The following SLC27A2 variants were observed in gnomAD, a reference collection of about 807,000 sequenced individuals.
SLC27A2 encodes the protein long-chain fatty acid transport protein 2.
Under a neutral mutation model 60.0 loss-of-function variants are expected in SLC27A2, and 54 were observed. The ratio of observed to expected loss-of-function variants is 0.90; its 90% CI spans 0.72 to 1.13. The LOEUF (loss-of-function observed/expected upper bound fraction) is 1.13, where lower values mean the gene tolerates loss of function less well. Among genes scored for constraint, SLC27A2 ranks in the 50% most tolerant of loss-of-function variants. SLC27A2 has a pLI of 0.00. For missense variants in SLC27A2, 739 were observed against 777.6 expected, an observed-to-expected ratio of 0.95 and a Z score of 0.59; for synonymous variants, 297 against 297.6, an observed-to-expected ratio of 1.00 and a Z score of 0.02.
Position 50,205,361 on chromosome 15 carries a change from C to T in SLC27A2, c.970C>T (p.Gln324Ter). The T allele has an allele frequency of 6.2e-7, 1 of 1,604,372 alleles. No individual in the cohort carries two copies. Among genetic ancestry groups the T allele is most frequent in the Non-Finnish European group, 8.5e-7 (1 of 1,173,588 alleles). ...ELLRYLCNSP[Q>*]KPNDRDHKVR... ...GCTTCGGTATTTATGCAACTCACCACAGGTAACACTCCCCCCGTTTTACTA... is the reference window on the plus strand; with the variant it reads ...GCTTCGGTATTTATGCAACTCACCATAGGTAACACTCCCCCCGTTTTACTA... Residue 324 changes from glutamine to a stop codon, truncating the protein, a stop_gained and splice_region_variant, in exon 4 of 10, where the codon CAG (glutamine) becomes TAG (stop). Coordinates refer to ENST00000267842, the MANE Select transcript of SLC27A2 (RefSeq NM_003645.4). LOFTEE classifies it high-confidence loss of function.
At chr15:50,214,820 T>C (rs1293363403) in intron 4 of SLC27A2, among the ~76,000 whole-genome samples, 2 of 152,102 alleles carry the variant, frequency 1.3e-5, no homozygotes, top group African/African-American at 4.8e-5. Flanking sequence ...TACCTTAAAG[T>C]AATAAAACCC....
Position 50,233,918 on chromosome 15 carries a change from G to T in SLC27A2, c.1606G>T (p.Glu536Ter). 1 of 1,613,742 alleles carries T rather than the reference G, an allele frequency of 6.2e-7. No homozygotes were observed. Among genetic ancestry groups the T allele is most frequent in the Non-Finnish European group, 8.5e-7 (1 of 1,179,716 alleles). ...CTCCATCAAAATGAAAGAAAACCAT[G>T]AATTTGATGGAAAGAAACTCTTTCA... ...MASIKMKENH[E>*]FDGKKLFQHI... The change falls in exon 9 of 10, where the codon GAA becomes TAA. Residue 536 changes from glutamate to a stop codon, truncating the protein, a stop_gained. Coordinates refer to ENST00000267842, the MANE Select transcript of SLC27A2 (RefSeq NM_003645.4). LOFTEE classifies it high-confidence loss of function.
At chr15:50,193,041 C>T (rs2044987142) in intron 1 of SLC27A2, among the ~76,000 whole-genome samples, 1 of 152,156 alleles carries the variant, frequency 6.6e-6, no homozygotes, top group Non-Finnish European at 1.5e-5. Context: ...ACCTTATTCC[C>T]CTCCAACTCT....
At chr15:50,200,275 A>G (rs2045053536) in intron 2 of SLC27A2, among the ~76,000 whole-genome samples, 1 of 152,100 alleles carries the variant, frequency 6.6e-6, no homozygotes, top group Non-Finnish European at 1.5e-5. Flanking sequence ...AAAAATATAA[A>G]TAAACAGCCA....
At chr15:50,229,129 C>A in intron 8 of SLC27A2, 87 bp downstream of exon 8, 1 of 824,658 alleles carries the variant, frequency 1.2e-6, no homozygotes, top group African/African-American at 1.7e-5. Flanking sequence ...TTGCTTTCTC[C>A]CGCCATCCAG....
intron 4 of SLC27A2, among the ~76,000 whole-genome samples, chr15:50,207,544 C>G (rs148423482): frequency 4.6e-5 from 7 of 152,096 alleles, no homozygotes; most frequent in East Asian, 3.9e-4. Context: ...AATCCCAACA[C>G]TTTGGGAGGT....
At chr15:50,221,012 G>A (rs2045238341) in intron 4 of SLC27A2, among the ~76,000 whole-genome samples, 4 of 151,994 alleles carry the variant, frequency 2.6e-5, no homozygotes, top group Admixed American at 2.6e-4. Flanking sequence ...AAATGAGCCT[G>A]GGCAACATAG....
intron 4 of SLC27A2, among the ~76,000 whole-genome samples, chr15:50,217,603 G>A (rs533970578): frequency 3.3e-5 from 5 of 152,248 alleles, no homozygotes; most frequent in Admixed American, 2.6e-4. Flanking sequence ...CAGCAGTGCA[G>A]CCCAGCTAGC....
chr15:50,228,073 G>A (rs1481435869), intron 7 of SLC27A2, among the ~76,000 whole-genome samples: 1 of 152,052 alleles, frequency 6.6e-6, no homozygotes. Flanking sequence ...GATACTTCTG[G>A]GAGGGCTAAA....
chr15:50,221,127 G>A (rs8035897), intron 4 of SLC27A2, among the ~76,000 whole-genome samples: 22,835 of 151,924 alleles, frequency 0.15, 1,775 homozygotes, highest in Middle Eastern at 0.18. Context: ...GATCGCTTGA[G>A]CCTGGGAGTT....
chr15:50,193,356 G>A (rs187985723), intron 1 of SLC27A2, among the ~76,000 whole-genome samples: 126 of 152,314 alleles, frequency 8.3e-4, no homozygotes, highest in Non-Finnish European at 8.5e-4. Flanking sequence ...TATGAAAACA[G>A]GGAGAGCGTT....
chr15:50,227,763 C>T (rs943359486), intron 7 of SLC27A2, among the ~76,000 whole-genome samples: 2 of 152,164 alleles, frequency 1.3e-5, no homozygotes, highest in African/African-American at 2.4e-5. Flanking sequence ...TGAGGGCAGG[C>T]CCTGTGTCTG....
At chr15:50,218,083 AAAAC>A (rs1356929489) in intron 4 of SLC27A2, among the ~76,000 whole-genome samples, 6 of 151,452 alleles carry the variant, frequency 4.0e-5, no homozygotes, top group Non-Finnish European at 7.4e-5. Flanking sequence ...AAAAAAAAAA[AAAAC>A]CGGGAGAAAT....
intron 4 of SLC27A2, among the ~76,000 whole-genome samples, chr15:50,216,610 G>GTGTGTGTGTGTGTGTATATA (rs1323910367): frequency 9.2e-4 from 61 of 66,432 alleles, no homozygotes; most frequent in Non-Finnish European, 1.5e-3. Context: ...GTGTGTGTGT[G>GTGTGTGTGTGTGTGTATATA]TATATATATA....
chr15:50,227,940 T>C lies in SLC27A2; in HGVS notation c.1457+762T>C, dbSNP rs1447713378. On this transcript the variant is annotated intron_variant, in intron 7 of 9. Coordinates refer to ENST00000267842, the MANE Select transcript of SLC27A2 (RefSeq NM_003645.4). ...GCAGTGGTATCAAGACAGATAACCA[T>C]TCTGGACCTCAGTCCTTTTGCCCTT... Among the ~76,000 whole-genome samples the C allele has an allele frequency of 2.0e-5, 3 of 152,208 alleles. No homozygotes were observed. The East Asian group carries it at 5.8e-4, about 29-fold the overall frequency.
chr15:50,206,898 T>G (rs1335008657), intron 4 of SLC27A2, among the ~76,000 whole-genome samples: 1 of 152,214 alleles, frequency 6.6e-6, no homozygotes, highest in Non-Finnish European at 1.5e-5. Flanking sequence ...TTTTGGCATA[T>G]TCAATAGATT....
chr15:50,236,061 T>C lies in SLC27A2; in HGVS notation c.1828T>C (p.Tyr610His). The C allele has an allele frequency of 6.2e-7, 1 of 1,612,846 alleles. No individual in the cohort carries two copies. Among genetic ancestry groups the C allele is most frequent in the Non-Finnish European group, 8.5e-7 (1 of 1,179,298 alleles). The change falls in exon 10 of 10, where the codon TAT becomes CAT. Residue 610 changes from tyrosine (Y) to histidine (H), a missense_variant. Tyr to His is a moderately conservative substitution (Grantham distance 83, BLOSUM62 2). Coordinates refer to ENST00000267842, the MANE Select transcript of SLC27A2 (RefSeq NM_003645.4). ...KMYVPMTEDI[Y>H]NAISAKTLKL The stretch of plus-strand genomic sequence containing the variant: ...GTATGTGCCTATGACTGAGGACATC[T>C]ATAATGCCATAAGTGCTAAAACCCT...
chr15:50,197,309 T>A (rs2045031310), intron 1 of SLC27A2, among the ~76,000 whole-genome samples, 191 bp from the exon 2 acceptor site: 1 of 152,124 alleles, frequency 6.6e-6, no homozygotes, highest in African/African-American at 2.4e-5. Context: ...ACCAGCCTGG[T>A]CAACATAGAC....
intron 1 of SLC27A2, among the ~76,000 whole-genome samples, chr15:50,184,641 G>C (rs1435270710): frequency 6.6e-6 from 1 of 151,674 alleles, no homozygotes; most frequent in East Asian, 1.9e-4. Context: ...TTCAAGACTA[G>C]CCTGGCCAAC....
Sources: allele counts gnomAD v4.1 joint callset (sites outside exome capture counted in the v4.1 genomes callset), GRCh38; gene constraint gnomAD v4.1.1; transcripts MANE v1.5; gene names NCBI Gene and HGNC (gene_info 2026-07-23, HGNC 2026-07-21).